LRP2BP: variants seen among roughly 807,000 people sequenced by gnomAD.
LRP2BP encodes the protein LRP2 binding protein, also known as LRP2-binding protein.
LRP2BP carries 38 observed loss-of-function variants against 45.2 expected under a neutral mutation model. That is an observed-to-expected ratio of 0.84 (90% CI 0.65 to 1.10). LRP2BP has a LOEUF of 1.10. Among genes scored for constraint, LRP2BP ranks in the 50% least tolerant of loss-of-function variants. LRP2BP has a pLI of 0.00. For missense variants in LRP2BP, 385 were observed against 418.9 expected (o/e 0.92, Z 0.71); for synonymous variants, 153 against 153.9 (o/e 0.99, Z 0.04).
chr4:185,366,004 T>C lies in LRP2BP; in HGVS notation c.*1176A>G, dbSNP rs2095386923. Reference sequence around the variant, plus strand: ...CCTCCATATTAATTGCATTTTCCCATTACTAAAAAGAAATCTTGTTTAAAT... The same window carrying C: ...CCTCCATATTAATTGCATTTTCCCACTACTAAAAAGAAATCTTGTTTAAAT... On this transcript the variant is annotated 3_prime_UTR_variant, in exon 9 of 9. Coordinates refer to ENST00000505916, the MANE Select transcript of LRP2BP (RefSeq NM_001377440.1). 1.3e-5 allele frequency: 2 copies of C among 152,206 alleles called. No homozygotes were observed. Among genetic ancestry groups the C allele is most frequent in the Admixed American group, 1.3e-4 (2 of 15,282 alleles). The allele number at this position is 152,206 out of a possible 1,614,324, so 9.4% of individuals were successfully genotyped here.
chr4:185,392,455 G>A (rs1342952092), intron 1 of LRP2BP, among the ~76,000 whole-genome samples: 2 of 152,158 alleles, frequency 1.3e-5, no homozygotes, highest in Non-Finnish European at 2.9e-5. Flanking sequence ...AAGGCTGGAA[G>A]AATTTATGTT....
chr4:185,378,173 C>G lies in LRP2BP; in HGVS notation c.14G>C (p.Ser5Thr). Residue 5 changes from serine (S) to threonine (T), a missense_variant, in exon 2 of 9, where the codon AGT becomes ACT. Transcript: ENST00000505916. ...AAAGGGGTTCTTGGGCAACTTTTCACTGGTCAACTTCATCCTTTTTCTGCA... is the reference window on the plus strand; with the variant it reads ...AAAGGGGTTCTTGGGCAACTTTTCAGTGGTCAACTTCATCCTTTTTCTGCA... The part of the protein sequence containing the change: MKLT[S>T]EKLPKNPFYA... 6.2e-7 allele frequency: 1 copy of G among 1,613,996 alleles called. No individual in the cohort carries two copies. The highest frequency in any genetic ancestry group is 8.5e-7 in the Non-Finnish European group (1 of 1,179,994).
intron 1 of LRP2BP, among the ~76,000 whole-genome samples, chr4:185,392,328 CAT>C (rs1408949529): frequency 6.6e-6 from 1 of 152,170 alleles, no homozygotes; most frequent in Non-Finnish European, 1.5e-5. Flanking sequence ...GGAAAGTAAA[CAT>C]CATCAAAAGA....
At position 185,395,347 on chromosome 4, in the gene LRP2BP, G is replaced by GT; in HGVS notation, c.-591dup. The GT allele has an allele frequency of 2.0e-6, 2 of 985,368 alleles. No individual in the cohort carries two copies. Among genetic ancestry groups the GT allele is most frequent in the Non-Finnish European group, 2.4e-6 (2 of 829,884 alleles). 61.0% of individuals were successfully genotyped at this position (985,368 alleles called of 1,614,324 possible). On this transcript the variant is annotated 5_prime_UTR_variant, in exon 1 of 9. Transcript: ENST00000505916. ...TATTTATGTTCAAAACTGTAAGAAC[G>GT]TGTCTGATACCCTTTATTAGTTAGG...
In LRP2BP at chr4:185,366,266, T is replaced by C. The variant is rs2095387810; in HGVS notation, c.*914A>G. 6.6e-6 allele frequency: 1 copy of C among 152,222 alleles called. No homozygotes were observed. Among genetic ancestry groups the C allele is most frequent in the African/African-American group, 2.4e-5 (1 of 41,468 alleles). 9.4% of individuals were successfully genotyped at this position (152,222 alleles called of 1,614,324 possible). A position where few individuals can be genotyped will look rare whatever the true frequency, so the allele number is the denominator to read the frequency against. On this transcript the variant is annotated 3_prime_UTR_variant, in exon 9 of 9. Coordinates refer to ENST00000505916, the MANE Select transcript of LRP2BP (RefSeq NM_001377440.1). Reference sequence around the variant, plus strand: ...TTTTGCTAATTTTAACAATATTTAATTGTAGTTCTTGTAAATGATTTCATT... The same window carrying C: ...TTTTGCTAATTTTAACAATATTTAACTGTAGTTCTTGTAAATGATTTCATT...
chr4:185,386,689 G>A (rs963766121), intron 1 of LRP2BP, among the ~76,000 whole-genome samples: 2 of 152,018 alleles, frequency 1.3e-5, no homozygotes, highest in Admixed American at 6.6e-5. Flanking sequence ...ACACCCCAAC[G>A]TGACCCCTGG....
At chr4:185,396,704 G>C (rs1437113093), upstream of LRP2BP, 12 of 576,174 alleles carry the variant, frequency 2.1e-5, no homozygotes, top group East Asian at 3.3e-4. Flanking sequence ...GTGTACGTGC[G>C]GCCGTGGCGG....
At chr4:185,374,945 CA>C (rs976018827) in intron 4 of LRP2BP, among the ~76,000 whole-genome samples, 90 of 152,136 alleles carry the variant, frequency 5.9e-4, no homozygotes, top group African/African-American at 2.1e-3. Context: ...ATCTAATATA[CA>C]AATCTTATGC....
At chr4:185,371,291 G>A (rs919849485) in intron 7 of LRP2BP, among the ~76,000 whole-genome samples, 1 of 152,106 alleles carries the variant, frequency 6.6e-6, no homozygotes, top group African/African-American at 2.4e-5. Flanking sequence ...TGTAATCCCA[G>A]CACTTTGGGA....
intron 7 of LRP2BP, among the ~76,000 whole-genome samples, chr4:185,371,327 T>C (rs7690242): frequency 0.038 from 5,772 of 151,896 alleles, 261 homozygotes; most frequent in African/African-American, 0.1. Flanking sequence ...ATCACGAGGT[T>C]AGGAGATTGA....
upstream of LRP2BP, chr4:185,397,268 G>C: frequency 3.1e-6 from 5 of 1,614,068 alleles, no homozygotes; most frequent in Non-Finnish European, 4.2e-6. Context: ...TTTCTTCTCT[G>C]GCAGCTGCAA....
At chr4:185,385,909 G>GA (rs916018179) in intron 1 of LRP2BP, among the ~76,000 whole-genome samples, 2 of 77,454 alleles carry the variant, frequency 2.6e-5, no homozygotes, top group Non-Finnish European at 6.7e-5. Flanking sequence ...TCGGGGAGGG[G>GA]GGGGGGGAGA....
chr4:185,378,459 G>C (rs867327926), intron 1 of LRP2BP: 11 of 1,234,166 alleles, frequency 8.9e-6, no homozygotes, highest in South Asian at 8.4e-5. Context: ...CTGTTTGCAC[G>C]TCCTGTCTGG....
rs1478843994 is a variant in LRP2BP, at chr4:185,365,417, G to C, written c.*1763C>G. ...TCACCGAGGCTGGAGTGCAATTTGC[G>C]CGATCTCAGCTCACTGCAACCTCTG... On this transcript the variant is annotated 3_prime_UTR_variant, in exon 9 of 9. Transcript: ENST00000505916. The C allele has an allele frequency of 6.6e-6, 1 of 151,478 alleles. No homozygotes were observed. The highest frequency in any genetic ancestry group is 1.5e-5 in the Non-Finnish European group (1 of 67,920). The allele number at this position is 151,478 out of a possible 1,614,324, so 9.4% of individuals were successfully genotyped here.
rs2095499566 is a variant in LRP2BP at position 185,395,511 on chromosome 4, C to T, written c.-754G>A. 1 of 985,140 alleles carries T rather than the reference C, an allele frequency of 1.0e-6. No individual in the cohort carries two copies. Among genetic ancestry groups the T allele is most frequent in the African/African-American group, 1.7e-5 (1 of 57,242 alleles). 61.0% of individuals were successfully genotyped at this position (985,140 alleles called of 1,614,324 possible). ...CCTCACAAATCTGACAACAGTATCT[C>T]TACACTGCCGTTCTTTAAACATCAT... On this transcript the variant is annotated 5_prime_UTR_variant, in exon 1 of 9. Coordinates refer to ENST00000505916, the MANE Select transcript of LRP2BP (RefSeq NM_001377440.1).
At chr4:185,376,809 T>A in intron 3 of LRP2BP, 100 bp downstream of exon 3, 1 of 759,146 alleles carries the variant, frequency 1.3e-6, no homozygotes, top group Non-Finnish European at 2.2e-6. Context: ...GGACAGAATT[T>A]CCCTAGTATA....
intron 7 of LRP2BP, among the ~76,000 whole-genome samples, chr4:185,371,408 A>G (rs28570195): frequency 0.033 from 5,011 of 151,980 alleles, 264 homozygotes; most frequent in African/African-American, 0.11. Context: ...TGGGCATGGT[A>G]GCGGGTGCCT....
rs1488806127 is a variant in LRP2BP at position 185,363,992 on chromosome 4, T to A, written c.*3188A>T. 1 of 152,932 alleles carries A rather than the reference T, an allele frequency of 6.5e-6. No homozygotes were observed. The highest frequency in any genetic ancestry group is 2.4e-5 in the African/African-American group (1 of 41,472). 9.5% of individuals were successfully genotyped at this position (152,932 alleles called of 1,614,324 possible). A position where few individuals can be genotyped will look rare whatever the true frequency, so the allele number is the denominator to read the frequency against. ...TCACAGTGCTCTATGATATTTAAGA[T>A]ACTTATATCTCAAAGAGGTTGAAAC... On this transcript the variant is annotated 3_prime_UTR_variant, in exon 9 of 9. Transcript: ENST00000505916. This position sits in a 1 kb window ranked among gnomAD's most constrained non-coding sequence, Gnocchi z 4.2.
rs1335288328 is a variant in LRP2BP, at chr4:185,365,063, T to C, written c.*2117A>G. 1.3e-5 allele frequency: 2 copies of C among 152,062 alleles called. No individual in the cohort carries two copies. Among genetic ancestry groups the C allele is most frequent in the African/African-American group, 4.8e-5 (2 of 41,364 alleles). 9.4% of individuals were successfully genotyped at this position (152,062 alleles called of 1,614,324 possible). On this transcript the variant is annotated 3_prime_UTR_variant, in exon 9 of 9. Transcript: ENST00000505916. Reference sequence around the variant, plus strand: ...GTGTAAGAGTAATGATCTGGAAGTCTCAATGCACTCGAGTTACAGACTCAC... The same window carrying C: ...GTGTAAGAGTAATGATCTGGAAGTCCCAATGCACTCGAGTTACAGACTCAC...
Sources: allele counts gnomAD v4.1 joint callset (sites outside exome capture counted in the v4.1 genomes callset), GRCh38; gene constraint gnomAD v4.1.1; non-coding constraint Gnocchi (gnomAD v3.1); transcripts MANE v1.5; gene names NCBI Gene and HGNC (gene_info 2026-07-23, HGNC 2026-07-21).